Variants in ADAMTS17 observed in about 807,000 individuals in gnomAD.
ADAMTS17 encodes the protein A disintegrin and metalloproteinase with thrombospondin motifs 17.
In ADAMTS17, 113 loss-of-function variants were observed where a neutral mutation model predicts 141.5. The observed-to-expected ratio is 0.80, with a 90% confidence interval of 0.69 to 0.93. ADAMTS17 has a LOEUF of 0.93. ADAMTS17 is among the 40% of genes least tolerant of loss of function. ADAMTS17 has a pLI of 0.00. For synonymous variants in ADAMTS17, 768 were observed against 630.6 expected, an observed-to-expected ratio of 1.22 and a Z score of -3.27; for missense variants, 1,659 against 1,517.9, an observed-to-expected ratio of 1.09 and a Z score of -1.54.
intron 7 of ADAMTS17, among the ~76,000 whole-genome samples, chr15:100,207,534 G>A (rs187761654): frequency 5.3e-5 from 8 of 151,884 alleles, no homozygotes; most frequent in African/African-American, 1.9e-4. Context: ...CACCTAATGC[G>A]CCATGGGCTT....
intron 8 of ADAMTS17, among the ~76,000 whole-genome samples, chr15:100,169,274 T>C (rs2040069643): frequency 6.6e-6 from 1 of 152,160 alleles, no homozygotes; most frequent in African/African-American, 2.4e-5. Flanking sequence ...TGTGTGCACA[T>C]GGAACATGCC....
In ADAMTS17 at chr15:100,324,346, CT is replaced by C. The variant is rs764544965; in HGVS notation, c.616+6542del. Reference sequence around the variant, plus strand: ...AGAAAAAAAAAGCTCTGAAGCAAATCTGACCACATGTTAACATAGGGTAGGT... The same window carrying C: ...AGAAAAAAAAAGCTCTGAAGCAAATCGACCACATGTTAACATAGGGTAGGT... On this transcript the variant is annotated intron_variant, in intron 3 of 21. Coordinates refer to ENST00000268070, the MANE Select transcript of ADAMTS17 (RefSeq NM_139057.4). Among the ~76,000 whole-genome samples, 17 of 152,128 alleles carry C rather than the reference CT, an allele frequency of 1.1e-4. No individual in the cohort carries two copies. The East Asian group carries it at 1.2e-3, about 10-fold the overall frequency.
chr15:100,303,542 G>T (rs974100257), intron 3 of ADAMTS17, among the ~76,000 whole-genome samples: 1 of 151,900 alleles, frequency 6.6e-6, no homozygotes, highest in Non-Finnish European at 1.5e-5. Flanking sequence ...CCTAAACCTA[G>T]ACCACAAATA....
intron 15 of ADAMTS17, among the ~76,000 whole-genome samples, chr15:100,083,801 G>T (rs1297144042): frequency 6.6e-6 from 1 of 151,036 alleles, no homozygotes; most frequent in African/African-American, 2.4e-5. Context: ...ATGCTGGCAT[G>T]CCAGAGCAGC....
intron 7 of ADAMTS17, among the ~76,000 whole-genome samples, chr15:100,218,670 G>A (rs1319183648): frequency 6.6e-6 from 1 of 152,156 alleles, no homozygotes; most frequent in East Asian, 1.9e-4. Context: ...GTTTGGCAGT[G>A]TCTCAAAATA....
At chr15:100,237,444 G>A (rs1022468964) in intron 7 of ADAMTS17, among the ~76,000 whole-genome samples, 1 of 152,250 alleles carries the variant, frequency 6.6e-6, no homozygotes, top group African/African-American at 2.4e-5. Flanking sequence ...AGATCCACAC[G>A]ACGACAGGAA....
intron 6 of ADAMTS17, among the ~76,000 whole-genome samples, chr15:100,258,727 C>T (rs1208404745): frequency 6.6e-6 from 1 of 152,136 alleles, no homozygotes; most frequent in African/African-American, 2.4e-5. Context: ...AAAACCGTAT[C>T]ATTTTGTTTT....
At chr15:100,201,835 T>C (rs1227539592) in intron 7 of ADAMTS17, among the ~76,000 whole-genome samples, 1 of 152,190 alleles carries the variant, frequency 6.6e-6, no homozygotes, top group Non-Finnish European at 1.5e-5. Flanking sequence ...CTGGGTTTTG[T>C]TTAAAAATGT....
intron 15 of ADAMTS17, among the ~76,000 whole-genome samples, chr15:100,087,094 C>A (rs547192662): frequency 6.6e-6 from 1 of 152,164 alleles, no homozygotes; most frequent in Admixed American, 6.5e-5. Context: ...AGACCACTAG[C>A]AAGACTAATA....
At chr15:100,205,572 G>T (rs1047653943) in intron 7 of ADAMTS17, among the ~76,000 whole-genome samples, 1 of 152,038 alleles carries the variant, frequency 6.6e-6, no homozygotes, top group Non-Finnish European at 1.5e-5. Flanking sequence ...CCTCTCTTCG[G>T]AGAACCCCAG....
intron 18 of ADAMTS17, among the ~76,000 whole-genome samples, chr15:100,018,772 C>T (rs1168777011): frequency 1.3e-5 from 2 of 152,186 alleles, no homozygotes; most frequent in African/African-American, 2.4e-5. Flanking sequence ...AACCTCACCA[C>T]AGAGCAGGGG....
intron 15 of ADAMTS17, among the ~76,000 whole-genome samples, chr15:100,068,435 C>T (rs34115492): frequency 0.13 from 19,165 of 152,080 alleles, 1,865 homozygotes; most frequent in East Asian, 0.46. Flanking sequence ...TGGACATCTG[C>T]GAACAGAGAG....
intron 10 of ADAMTS17, among the ~76,000 whole-genome samples, chr15:100,142,781 G>A (rs1297816270): frequency 6.6e-6 from 1 of 152,058 alleles, no homozygotes; most frequent in Non-Finnish European, 1.5e-5. Context: ...GAGAAAGGAG[G>A]GAGTATTACG....
At chr15:100,130,906 C>A (rs948865601) in intron 12 of ADAMTS17, among the ~76,000 whole-genome samples, 3 of 152,120 alleles carry the variant, frequency 2.0e-5, no homozygotes, top group African/African-American at 7.2e-5. Flanking sequence ...ACCATAAAGA[C>A]ACACGCAGCC....
At chr15:100,068,333 A>G (rs985209734) in intron 15 of ADAMTS17, among the ~76,000 whole-genome samples, 21 of 152,282 alleles carry the variant, frequency 1.4e-4, no homozygotes, top group African/African-American at 5.1e-4. Context: ...AGGGCAGGGC[A>G]TAGCCAAACA....
intron 8 of ADAMTS17, among the ~76,000 whole-genome samples, chr15:100,162,272 G>A (rs910067654): frequency 1.3e-5 from 2 of 151,572 alleles, no homozygotes; most frequent in Admixed American, 6.6e-5. Flanking sequence ...ACAGCCTTCA[G>A]TCAAAGTAGC....
intron 10 of ADAMTS17, among the ~76,000 whole-genome samples, chr15:100,140,452 GACACAC>G (rs140696533): frequency 7.6e-6 from 1 of 131,916 alleles, no homozygotes; most frequent in South Asian, 2.5e-4. Flanking sequence ...CTAACTCCAA[GACACAC>G]ACACACACAC....
chr15:100,189,036 T>C (rs539384820), intron 8 of ADAMTS17, among the ~76,000 whole-genome samples: 14 of 152,252 alleles, frequency 9.2e-5, no homozygotes, highest in South Asian at 2.1e-4. Context: ...TTAGCTATAG[T>C]TGTCTCAAAC....
Position 100,051,743 on chromosome 15 carries a change from G to A in ADAMTS17, c.2296-12C>T, listed in dbSNP as rs537212090. 1.4e-5 allele frequency: 23 copies of A among 1,614,042 alleles called. No individual in the cohort carries two copies. Among genetic ancestry groups the A allele is most frequent in the Admixed American group, 1.0e-4 (6 of 60,012 alleles). ...TGAAATAACAACACCTGGATCAGCCGCAAAACAAAAGGCCATTTTGAAAAG... is the reference window on the plus strand; with the variant it reads ...TGAAATAACAACACCTGGATCAGCCACAAAACAAAAGGCCATTTTGAAAAG... On this transcript the variant is annotated splice_polypyrimidine_tract_variant and intron_variant, in intron 16 of 21. Transcript: ENST00000268070.
Sources: gnomAD v4.1 joint callset for allele counts (sites outside exome capture counted in the v4.1 genomes callset) on GRCh38, gnomAD v4.1.1 for gene constraint, MANE v1.5 for transcripts, NCBI Gene and HGNC (gene_info 2026-07-23, HGNC 2026-07-21) for gene names.